The following DST variants were observed in gnomAD, a reference collection of about 807,000 sequenced individuals.
DST encodes dystonin, also known as bullous pemphigoid antigen.
Under a neutral mutation model 875.2 loss-of-function variants are expected in DST, and 253 were observed. That is an observed-to-expected ratio of 0.29 (90% confidence interval 0.26 to 0.32). The LOEUF (loss-of-function observed/expected upper bound fraction) is 0.32. Ranked by LOEUF, DST falls within the 10% of genes least tolerant of loss-of-function variation. The pLI is 1.00. For synonymous variants in DST, 3,124 were observed against 3,197.1 expected, an observed-to-expected ratio of 0.98 and a Z score of 0.77; for missense variants, 8,287 against 9,111.6, an observed-to-expected ratio of 0.91 and a Z score of 3.68.
In DST at chr6:56,640,504, A is replaced by G. The variant is rs1285801203; in HGVS notation, c.2129T>C (p.Ile710Thr). 3 of 1,614,032 alleles carry G rather than the reference A, an allele frequency of 1.9e-6. No homozygotes were observed. In the East Asian group the frequency reaches 6.7e-5, roughly 36 times the overall value. ...ILTTEQTKLM[I>T]SGITQSLNSG... Reference sequence around the variant, plus strand: ...GTTTAAACTTTGAGTGATTCCTGATATCATGAGCTTTGTCTGTTCTGTTGT... The same window carrying G: ...GTTTAAACTTTGAGTGATTCCTGATGTCATGAGCTTTGTCTGTTCTGTTGT... The change falls in exon 18 of 104, where the codon ATA becomes ACA. Residue 710 changes from isoleucine (I) to threonine (T), a missense_variant. By Grantham distance (89) the Ile-to-Thr change is moderately conservative (BLOSUM62 -1). Around this residue, in one of 10 missense-constraint regions of DST, gnomAD observed 1,160 missense variants for 1,424.3 expected, o/e 0.81. Transcript: ENST00000680361.
intron 4 of DST, among the ~76,000 whole-genome samples, chr6:56,844,278 G>A (rs909741592): frequency 1.3e-5 from 2 of 152,174 alleles, no homozygotes; most frequent in African/African-American, 2.4e-5. Context: ...CTGAGCTCCC[G>A]GCCGCCGCGA....
Position 56,632,055 on chromosome 6 carries a change from A to G in DST, c.3806-15T>C. 1.9e-6 allele frequency: 3 copies of G among 1,600,926 alleles called. No homozygotes were observed. Among genetic ancestry groups the G allele is most frequent in the Non-Finnish European group, 2.6e-6 (3 of 1,168,692 alleles). On this transcript the variant is annotated splice_polypyrimidine_tract_variant and intron_variant, in intron 28 of 103. Transcript: ENST00000680361. Reference sequence around the variant, plus strand: ...CTCTTGCTCCTCTGTGAAAATAAATATGTTTAGAAAATACCTTGTTTTCTA... The same window carrying G: ...CTCTTGCTCCTCTGTGAAAATAAATGTGTTTAGAAAATACCTTGTTTTCTA...
intron 4 of DST, among the ~76,000 whole-genome samples, chr6:56,738,203 T>C (rs1056074979): frequency 6.6e-6 from 1 of 152,220 alleles, no homozygotes; most frequent in Non-Finnish European, 1.5e-5. Context: ...TATAATACCT[T>C]TTCAGTGCCC....
intron 4 of DST, among the ~76,000 whole-genome samples, chr6:56,779,964 G>A (rs1443261182): frequency 6.9e-6 from 1 of 144,330 alleles, no homozygotes; most frequent in Non-Finnish European, 1.5e-5. Context: ...CTATGAGTGA[G>A]AACATGGGGT....
chr6:56,575,787 G>A (rs189176791), intron 50 of DST, among the ~76,000 whole-genome samples: 8 of 152,174 alleles, frequency 5.3e-5, no homozygotes, highest in Admixed American at 2.0e-4. Context: ...ATATTTGGTC[G>A]TTGACCTCAG....
At chr6:56,506,600 G>A in intron 76 of DST, 56 bp from the exon 77 acceptor site, 1 of 1,607,448 alleles carries the variant, frequency 6.2e-7, no homozygotes, top group East Asian at 2.2e-5. Flanking sequence ...TTCAACTACT[G>A]TTAACAAAAT....
At chr6:56,465,379 G>A (rs1010138272) in intron 99 of DST, among the ~76,000 whole-genome samples, 12 of 152,062 alleles carry the variant, frequency 7.9e-5, no homozygotes, top group Non-Finnish European at 1.3e-4. Context: ...TCTTGGGGGG[G>A]AAGAAAAATG....
intron 4 of DST, among the ~76,000 whole-genome samples, chr6:56,758,082 C>T (rs573074430): frequency 7.9e-5 from 12 of 152,280 alleles, no homozygotes; most frequent in African/African-American, 2.9e-4. Flanking sequence ...TATAATCAAG[C>T]GCGTACAACT....
Position 56,596,007 on chromosome 6 carries a change from T to A in DST, c.12195+1733A>T, listed in dbSNP as rs202110149. 9.9e-3 allele frequency among the ~76,000 whole-genome samples: 1,451 copies of A among 145,856 alleles called. 27 individuals carry two copies. Among genetic ancestry groups the A allele is most frequent in the African/African-American group, 0.03 (1,097 of 36,452 alleles). On this transcript the variant is annotated intron_variant, in intron 47 of 103. Transcript: ENST00000680361. ...TGCTGCCAGATTAGGACTTTCTTTC[T>A]TTTATTTATTTATTTACTTATTTAT...
chr6:56,684,998 C>G (rs150102278), intron 9 of DST, among the ~76,000 whole-genome samples: 1 of 138,826 alleles, frequency 7.2e-6, no homozygotes, highest in Non-Finnish European at 1.6e-5. Flanking sequence ...CCCACCCCCC[C>G]ACCCCACACA....
intron 4 of DST, among the ~76,000 whole-genome samples, chr6:56,762,235 T>C (rs2099618928): frequency 6.6e-6 from 1 of 152,220 alleles, no homozygotes; most frequent in Non-Finnish European, 1.5e-5. Context: ...TTGGTCAGGC[T>C]GGTCTCGAAC....
Position 56,908,893 on chromosome 6 carries a change from G to C in DST, c.217-8272C>G, listed in dbSNP as rs149793131. On this transcript the variant is annotated intron_variant, in intron 2 of 103. Coordinates refer to ENST00000680361, the MANE Select transcript of DST (RefSeq NM_001374736.1). ...GGTAGTTACCCTATATGGTCTAAAA[G>C]GGGGATGCATGAATAATCCACCCCT... Among the ~76,000 whole-genome samples, 1,464 of 152,282 alleles carry C rather than the reference G, an allele frequency of 9.6e-3. 20 individuals carry two copies. The highest frequency in any genetic ancestry group is 0.033 in the African/African-American group (1,379 of 41,552).
At chr6:56,828,969 G>C (rs1263981930) in intron 4 of DST, among the ~76,000 whole-genome samples, 1 of 152,160 alleles carries the variant, frequency 6.6e-6, no homozygotes, top group Non-Finnish European at 1.5e-5. Context: ...CAAAGCTGAA[G>C]ACCACAGTCC....
intron 97 of DST, among the ~76,000 whole-genome samples, chr6:56,469,241 AT>A (rs1241309759): frequency 2.0e-5 from 3 of 150,862 alleles, no homozygotes; most frequent in East Asian, 1.9e-4. Flanking sequence ...ATTGATGATT[AT>A]TTTTTTAAGT....
chr6:56,511,932 A>G (rs1220078721), intron 72 of DST, among the ~76,000 whole-genome samples: 1 of 152,074 alleles, frequency 6.6e-6, no homozygotes, highest in South Asian at 2.1e-4. Flanking sequence ...ATGCTGAGAC[A>G]AAACCTCAAG....
intron 77 of DST, among the ~76,000 whole-genome samples, chr6:56,505,496 A>T (rs2096280194): frequency 6.7e-6 from 1 of 148,278 alleles, no homozygotes; most frequent in Non-Finnish European, 1.5e-5. Flanking sequence ...AAAAAAAAAG[A>T]AGAGGGAGGG....
intron 4 of DST, among the ~76,000 whole-genome samples, chr6:56,784,938 T>G (rs1416814935): frequency 1.3e-5 from 2 of 152,202 alleles, no homozygotes; most frequent in Admixed American, 1.3e-4. Context: ...TAGTTTTCCT[T>G]CTAACAGACA....
Position 56,606,572 on chromosome 6 carries a change from G to C in DST, c.8056C>G (p.His2686Asp). The change falls in exon 40 of 104, where the codon CAT becomes GAT. Residue 2686 changes from histidine (H) to aspartate (D), a missense_variant. Physicochemically the swap from His to Asp is moderately conservative, Grantham distance 81. This residue lies in a region of DST where 3,138 missense variants were observed against 3,116.6 expected (regional missense o/e 1.01). Transcript: ENST00000680361. Reference sequence around the variant, plus strand: ...TCCATAAGGAAATCCTGAAGACAATGTGCTTTGTTCTTCACACTTAAGCTA... The same window carrying C: ...TCCATAAGGAAATCCTGAAGACAATCTGCTTTGTTCTTCACACTTAAGCTA... ...VGSLSVKNKAHCLQDFLMDVE... is the reference protein window; with the variant it reads ...VGSLSVKNKADCLQDFLMDVE... 6.2e-7 allele frequency: 1 copy of C among 1,613,522 alleles called. No homozygotes were observed. Among genetic ancestry groups the C allele is most frequent in the Non-Finnish European group, 8.5e-7 (1 of 1,179,604 alleles).
At chr6:56,513,667 G>A (rs751704922) in intron 72 of DST, among the ~76,000 whole-genome samples, 3 of 152,126 alleles carry the variant, frequency 2.0e-5, no homozygotes, top group Non-Finnish European at 4.4e-5. Flanking sequence ...CCTGGCCGAG[G>A]AGCCTTTTTT....
Sources: gnomAD v4.1 joint callset for allele counts (sites outside exome capture counted in the v4.1 genomes callset) on GRCh38, gnomAD v4.1.1 for gene constraint, gnomAD v4.1.1 regional missense constraint, MANE v1.5 for transcripts, NCBI Gene and HGNC (gene_info 2026-07-23, HGNC 2026-07-21) for gene names.